DRC11: variants seen among roughly 807,000 people sequenced by gnomAD.
DRC11 encodes IQ and AAA domain-containing protein 1.
chr2:236,482,118 T>A, the DRC11 span, among the ~76,000 whole-genome samples: 2 of 150,834 alleles, frequency 1.3e-5, no homozygotes, highest in African/African-American at 4.9e-5. The surrounding 1 kb of genome is among the most constrained non-coding windows in gnomAD (Gnocchi z 4.5). Context: ...ATTATATGTA[T>A]AATTCTATGT....
the DRC11 span, among the ~76,000 whole-genome samples, chr2:236,483,785 A>T: frequency 5.3e-5 from 8 of 152,266 alleles, 2 homozygotes; most frequent in Non-Finnish European, 1.2e-4. The surrounding 1 kb of genome is among the most constrained non-coding windows in gnomAD (Gnocchi z 4.8). Context: ...GATGAATATT[A>T]CATGGCAATA....
chr2:236,356,457 G>C, the DRC11 span, among the ~76,000 whole-genome samples: 1 of 152,202 alleles, frequency 6.6e-6, no homozygotes, highest in Non-Finnish European at 1.5e-5. Flanking sequence ...ACAGGGTGGG[G>C]CATGCGGAGC....
chr2:236,339,536 T>C, the DRC11 span, among the ~76,000 whole-genome samples: 2 of 152,230 alleles, frequency 1.3e-5, no homozygotes, highest in African/African-American at 2.4e-5. Flanking sequence ...AGTGTTCTAG[T>C]TTTAGCCCTT....
At chr2:236,464,488 T>C in the DRC11 span, among the ~76,000 whole-genome samples, 1 of 151,736 alleles carries the variant, frequency 6.6e-6, no homozygotes, top group Non-Finnish European at 1.5e-5. Flanking sequence ...CATCAAAGTG[T>C]TCTGCTGTGT....
chr2:236,410,412 A>G, the DRC11 span, among the ~76,000 whole-genome samples: 1 of 152,134 alleles, frequency 6.6e-6, no homozygotes. Flanking sequence ...AAACAAATGG[A>G]AGAACATTCC....
At chr2:236,447,767 G>A in the DRC11 span, among the ~76,000 whole-genome samples, 1 of 152,074 alleles carries the variant, frequency 6.6e-6, no homozygotes, top group Non-Finnish European at 1.5e-5. This position sits in a 1 kb window ranked among gnomAD's most constrained non-coding sequence, Gnocchi z 4.6. Context: ...ATGTGACCAC[G>A]TGATGAGTTC....
At chr2:236,443,359 C>T in the DRC11 span, among the ~76,000 whole-genome samples, 1 of 152,078 alleles carries the variant, frequency 6.6e-6, no homozygotes, top group Non-Finnish European at 1.5e-5. This position sits in a 1 kb window ranked among gnomAD's most constrained non-coding sequence, Gnocchi z 4.4. Flanking sequence ...CCCCAACAGG[C>T]CCTCCCCATG....
the DRC11 span, among the ~76,000 whole-genome samples, chr2:236,361,387 A>C: frequency 6.6e-6 from 1 of 152,180 alleles, no homozygotes. The surrounding 1 kb of genome is among the most constrained non-coding windows in gnomAD (Gnocchi z 5.7). Context: ...GAGTACTAAA[A>C]ATGGCAAATA....
At chr2:236,460,223 C>T in the DRC11 span, among the ~76,000 whole-genome samples, 1 of 152,218 alleles carries the variant, frequency 6.6e-6, no homozygotes, top group Non-Finnish European at 1.5e-5. This position sits in a 1 kb window ranked among gnomAD's most constrained non-coding sequence, Gnocchi z 4.0. Context: ...CTGCACAGCA[C>T]ACCCACGAGG....
the DRC11 span, among the ~76,000 whole-genome samples, chr2:236,489,942 T>C: frequency 6.6e-6 from 1 of 152,018 alleles, no homozygotes; most frequent in Non-Finnish European, 1.5e-5. Flanking sequence ...AATTTAAAAA[T>C]AAATTTAAAA....
At chr2:236,373,977 G>A in the DRC11 span, among the ~76,000 whole-genome samples, 3 of 152,130 alleles carry the variant, frequency 2.0e-5, no homozygotes, top group African/African-American at 4.8e-5. Flanking sequence ...GTGGGTCACC[G>A]CCCCAGCTCC....
the DRC11 span, among the ~76,000 whole-genome samples, chr2:236,392,893 T>C: frequency 2.0e-5 from 3 of 152,226 alleles, no homozygotes; most frequent in Non-Finnish European, 4.4e-5. The surrounding 1 kb of genome is among the most constrained non-coding windows in gnomAD (Gnocchi z 5.1). Context: ...TTGGATGTTT[T>C]TGAAATCACA....
the DRC11 span, among the ~76,000 whole-genome samples, chr2:236,320,447 A>G: frequency 6.6e-6 from 1 of 152,300 alleles, no homozygotes; most frequent in African/African-American, 2.4e-5. Flanking sequence ...TCTTCATATT[A>G]AATGTGGATA....
At chr2:236,408,569 A>T in the DRC11 span, 37 of 726,600 alleles carry the variant, frequency 5.1e-5, no homozygotes, top group Non-Finnish European at 8.0e-5. The surrounding 1 kb of genome is among the most constrained non-coding windows in gnomAD (Gnocchi z 5.5). Context: ...GGAAGCAGGT[A>T]TATGTGGGTG....
At chr2:236,461,848 G>C in the DRC11 span, among the ~76,000 whole-genome samples, 1 of 152,178 alleles carries the variant, frequency 6.6e-6, no homozygotes, top group Non-Finnish European at 1.5e-5. This position sits in a 1 kb window ranked among gnomAD's most constrained non-coding sequence, Gnocchi z 4.0. Context: ...AAACTGCCTG[G>C]AGGAGCAAAG....
At chr2:236,416,736 TA>T in the DRC11 span, among the ~76,000 whole-genome samples, 1 of 51,298 alleles carries the variant, frequency 1.9e-5, no homozygotes, top group Non-Finnish European at 4.1e-5. Context: ...TATATATATA[TA>T]TATATATATA....
chr2:236,460,300 C>G, the DRC11 span, among the ~76,000 whole-genome samples: 4 of 151,326 alleles, frequency 2.6e-5, no homozygotes, highest in Admixed American at 1.3e-4. The surrounding 1 kb of genome is among the most constrained non-coding windows in gnomAD (Gnocchi z 4.0). Context: ...AAGGGACAGG[C>G]CGGTGAGGGC....
At chr2:236,311,697 C>CGTGCGTGTGTGTGTGTGT in the DRC11 span, among the ~76,000 whole-genome samples, 1 of 138,706 alleles carries the variant, frequency 7.2e-6, no homozygotes, top group African/African-American at 2.6e-5. This position sits in a 1 kb window ranked among gnomAD's most constrained non-coding sequence, Gnocchi z 6.9. Context: ...GGATGGGGTG[C>CGTGCGTGTGTGTGTGTGT]GTGTGTGTGT....
chr2:236,421,834 C>G, the DRC11 span, among the ~76,000 whole-genome samples: 1 of 152,114 alleles, frequency 6.6e-6, no homozygotes, highest in Non-Finnish European at 1.5e-5. Context: ...ACAAATCCAG[C>G]AGCACATCAA....
Sources: gnomAD v4.1 joint callset for allele counts (sites outside exome capture counted in the v4.1 genomes callset) on GRCh38, gnomAD v4.1.1 for gene constraint, Gnocchi (gnomAD v3.1) non-coding constraint, MANE v1.5 for transcripts, NCBI Gene and HGNC (gene_info 2026-07-23, HGNC 2026-07-21) for gene names.